Variants in CACNA2D1 observed in about 807,000 individuals in gnomAD.
CACNA2D1 encodes voltage-dependent calcium channel subunit alpha-2/delta-1.
Under a neutral mutation model 171.5 loss-of-function variants are expected in CACNA2D1, and 53 were observed. That is an observed-to-expected ratio of 0.31 (90% CI 0.25 to 0.39). The LOEUF is 0.39. Among genes scored for constraint, CACNA2D1 ranks in the 10% least tolerant of loss-of-function variants. The probability of loss-of-function intolerance (pLI) is 1.00; values close to 1 mark genes in which losing one functional copy is unlikely to be tolerated. For missense variants in CACNA2D1, 903 were observed against 1,299.8 expected (o/e 0.69, Z 4.69); for synonymous variants, 442 against 443.1 (o/e 1.00, Z 0.03).
At chr7:82,242,228 G>A (rs190048938) in intron 3 of CACNA2D1, among the ~76,000 whole-genome samples, 43 of 152,096 alleles carry the variant, frequency 2.8e-4, no homozygotes, top group Non-Finnish European at 4.4e-4. Context: ...ATAAGGGAGC[G>A]TATAAGAACA....
At chr7:82,332,102 G>A (rs938221470) in intron 3 of CACNA2D1, among the ~76,000 whole-genome samples, 14 of 151,256 alleles carry the variant, frequency 9.3e-5, no homozygotes, top group Non-Finnish European at 1.5e-5. Context: ...GCTCTTTCGC[G>A]CAGGCTGGAG....
intron 3 of CACNA2D1, among the ~76,000 whole-genome samples, chr7:82,228,513 A>T (rs1802584950): frequency 6.8e-6 from 1 of 146,890 alleles, no homozygotes; most frequent in South Asian, 2.2e-4. Flanking sequence ...GTTAACAATT[A>T]GTTACAAAAA....
At chr7:82,142,062 A>T (rs1191621897) in intron 4 of CACNA2D1, among the ~76,000 whole-genome samples, 1 of 152,194 alleles carries the variant, frequency 6.6e-6, no homozygotes, top group Admixed American at 6.5e-5. Flanking sequence ...ACAGGTTTTC[A>T]GTGGATTTCA....
At chr7:82,149,479 T>C (rs781213981) in intron 4 of CACNA2D1, among the ~76,000 whole-genome samples, 20 of 151,958 alleles carry the variant, frequency 1.3e-4, no homozygotes, top group Non-Finnish European at 2.9e-4. Flanking sequence ...GGGGAGGCTA[T>C]ATAGAATTTC....
At chr7:82,077,196 T>C (rs540524658) in intron 7 of CACNA2D1, among the ~76,000 whole-genome samples, 2 of 152,192 alleles carry the variant, frequency 1.3e-5, no homozygotes, top group Non-Finnish European at 2.9e-5. Context: ...ATAGTAACCA[T>C]AGCAGAGATG....
At chr7:82,003,600 T>C (rs1478766268) in intron 18 of CACNA2D1, among the ~76,000 whole-genome samples, 2 of 149,826 alleles carry the variant, frequency 1.3e-5, no homozygotes, top group Non-Finnish European at 3.0e-5. Context: ...GATTTATATA[T>C]ATAGATATAT....
chr7:82,249,821 T>C (rs1805409359), intron 3 of CACNA2D1, among the ~76,000 whole-genome samples: 2 of 152,228 alleles, frequency 1.3e-5, no homozygotes, highest in South Asian at 4.1e-4. Flanking sequence ...GGATCAATCC[T>C]ACATAATCCT....
chr7:82,080,147 ATACC>A (rs1402218791), intron 7 of CACNA2D1, among the ~76,000 whole-genome samples: 1 of 55,086 alleles, frequency 1.8e-5, no homozygotes, highest in African/African-American at 8.2e-5. Context: ...ACACACCTAT[ATACC>A]TATATATGTA....
At position 82,082,085 on chromosome 7, in the gene CACNA2D1, G is replaced by C. The variant is rs533886149; in HGVS notation, c.658+2684C>G. Reference sequence around the variant, plus strand: ...AGTTCTTTAAGTCCCGCCATCTGCAGCCTAATGGATGGTGGCAGGTTAACA... The same window carrying C: ...AGTTCTTTAAGTCCCGCCATCTGCACCCTAATGGATGGTGGCAGGTTAACA... On this transcript the variant is annotated intron_variant, in intron 7 of 38. Transcript: ENST00000356860. 5.0e-4 allele frequency among the ~76,000 whole-genome samples: 76 copies of C among 152,296 alleles called. 1 individual carries two copies. The highest frequency in any genetic ancestry group is 1.8e-3 in the African/African-American group (76 of 41,570).
At chr7:82,372,314 A>G (rs1311675832) in intron 1 of CACNA2D1, among the ~76,000 whole-genome samples, 1 of 152,172 alleles carries the variant, frequency 6.6e-6, no homozygotes, top group Non-Finnish European at 1.5e-5. Flanking sequence ...AACATCCCCA[A>G]AATTAAAAAT....
intron 1 of CACNA2D1, among the ~76,000 whole-genome samples, chr7:82,438,901 G>T: frequency 6.6e-6 from 1 of 152,094 alleles, no homozygotes; most frequent in Non-Finnish European, 1.5e-5. Context: ...TTACTTTTTT[G>T]AAATACTGAA....
intron 6 of CACNA2D1, among the ~76,000 whole-genome samples, chr7:82,111,447 T>A (rs867257145): frequency 0.1 from 10,176 of 101,934 alleles, 1,462 homozygotes; most frequent in African/African-American, 0.17. Flanking sequence ...TATATATATT[T>A]TTTTTTTTTT....
intron 3 of CACNA2D1, among the ~76,000 whole-genome samples, chr7:82,250,924 AT>A (rs1404785885): frequency 6.6e-6 from 1 of 152,172 alleles, no homozygotes; most frequent in East Asian, 1.9e-4. Flanking sequence ...GATTTGTATC[AT>A]TTTTAATAAC....
At position 82,120,732 on chromosome 7, in the gene CACNA2D1, G is replaced by A. The variant is rs769909749; in HGVS notation, c.397-3559C>T. ...TGTACTAATAATACAAAAATTAGCC[G>A]AGTGTGGTGGCACATGCCTGTAGTC... On this transcript the variant is annotated intron_variant, in intron 5 of 38. Coordinates refer to ENST00000356860, the MANE Select transcript of CACNA2D1 (RefSeq NM_000722.4). Among the ~76,000 whole-genome samples the A allele has an allele frequency of 9.2e-5, 14 of 151,902 alleles. 1 individual carries two copies. The highest frequency in any genetic ancestry group is 1.5e-4 in the African/African-American group (6 of 41,364).
intron 1 of CACNA2D1, among the ~76,000 whole-genome samples, chr7:82,395,427 G>C (rs778627791): frequency 1.3e-5 from 2 of 152,126 alleles, no homozygotes; most frequent in Non-Finnish European, 2.9e-5. Flanking sequence ...CTGCTTTTCA[G>C]ATTTTAATTT....
chr7:81,954,011 T>A (rs1463399878), intron 38 of CACNA2D1, among the ~76,000 whole-genome samples: 2 of 152,094 alleles, frequency 1.3e-5, no homozygotes, highest in East Asian at 3.9e-4. Context: ...CACTGAAAAA[T>A]GTGTCTTTTA....
intron 7 of CACNA2D1, among the ~76,000 whole-genome samples, chr7:82,072,196 T>C (rs371744754): frequency 7.9e-5 from 12 of 152,128 alleles, no homozygotes; most frequent in African/African-American, 2.4e-4. Flanking sequence ...AACCTTCATG[T>C]GGTGTCTTGA....
At chr7:81,982,743 A>T (rs1172097164) in intron 23 of CACNA2D1, 116 bp from the exon 24 acceptor site, 1 of 763,208 alleles carries the variant, frequency 1.3e-6, no homozygotes, top group East Asian at 2.5e-5. Flanking sequence ...AAAATAGAGT[A>T]CTTACATCCT....
chr7:82,154,480 G>A (rs566138833), intron 4 of CACNA2D1, among the ~76,000 whole-genome samples: 1 of 152,142 alleles, frequency 6.6e-6, no homozygotes, highest in African/African-American at 2.4e-5. Context: ...GTTGTGTGGT[G>A]GGGGACAAGG....
Sources: gnomAD v4.1 joint callset for allele counts (sites outside exome capture counted in the v4.1 genomes callset) on GRCh38, gnomAD v4.1.1 for gene constraint, MANE v1.5 for transcripts, NCBI Gene and HGNC (gene_info 2026-07-23, HGNC 2026-07-21) for gene names.